The following ST6GALNAC3 variants were observed in gnomAD, a reference collection of about 807,000 sequenced individuals.
The protein encoded by ST6GALNAC3 is ST6 N-acetylgalactosaminide alpha-2,6-sialyltransferase 3.
In ST6GALNAC3, 25 loss-of-function variants were observed where a neutral mutation model predicts 32.7. The ratio of observed to expected loss-of-function variants is 0.76; its 90% CI spans 0.56 to 1.07. ST6GALNAC3 has a LOEUF of 1.07. ST6GALNAC3 is among the 50% of genes least tolerant of loss of function. The pLI, the probability that ST6GALNAC3 is intolerant of heterozygous loss-of-function variation, is 0.00. For synonymous variants in ST6GALNAC3, 129 were observed against 133.1 expected (o/e 0.97, Z 0.21); for missense variants, 355 against 382.4 (o/e 0.93, Z 0.60).
chr1:76,303,344 G>T (rs1295433482), intron 1 of ST6GALNAC3, among the ~76,000 whole-genome samples: 1 of 151,912 alleles, frequency 6.6e-6, no homozygotes, highest in East Asian at 1.9e-4. Context: ...TTTGCAAAGG[G>T]AGTGGTCTCT....
At chr1:76,331,034 G>A (rs1309233823) in intron 2 of ST6GALNAC3, among the ~76,000 whole-genome samples, 2 of 152,180 alleles carry the variant, frequency 1.3e-5, no homozygotes, top group Non-Finnish European at 2.9e-5. Context: ...GAAGAGCATA[G>A]AGGAAGGTAA....
chr1:76,621,108 G>A (rs186299100), intron 3 of ST6GALNAC3, among the ~76,000 whole-genome samples: 2 of 152,042 alleles, frequency 1.3e-5, no homozygotes, highest in East Asian at 3.9e-4. Context: ...GAACACAGTC[G>A]TTTCTTATTA....
chr1:76,099,570 C>G (rs1257262310), intron 1 of ST6GALNAC3, among the ~76,000 whole-genome samples: 4 of 134,386 alleles, frequency 3.0e-5, no homozygotes, highest in Non-Finnish European at 4.4e-5. Context: ...AGAAGCCAGA[C>G]ATGAAAGAGT....
At chr1:76,522,097 A>C (rs1207915960) in intron 3 of ST6GALNAC3, among the ~76,000 whole-genome samples, 2 of 151,966 alleles carry the variant, frequency 1.3e-5, no homozygotes, top group African/African-American at 4.8e-5. Flanking sequence ...AAAAAAAAAA[A>C]AAAAAACACC....
At chr1:76,398,989 C>G (rs1311687796) in intron 2 of ST6GALNAC3, among the ~76,000 whole-genome samples, 1 of 151,918 alleles carries the variant, frequency 6.6e-6, no homozygotes, top group Non-Finnish European at 1.5e-5. Flanking sequence ...TGATAAGGAC[C>G]TTTTCTTGTG....
At chr1:76,459,424 C>G (rs533246393) in intron 3 of ST6GALNAC3, among the ~76,000 whole-genome samples, 1 of 152,044 alleles carries the variant, frequency 6.6e-6, no homozygotes. Context: ...ATTAGCCACG[C>G]GTGGTGGCGG....
chr1:76,204,089 C>A (rs1435427303), intron 1 of ST6GALNAC3, among the ~76,000 whole-genome samples: 1 of 152,184 alleles, frequency 6.6e-6, no homozygotes, highest in African/African-American at 2.4e-5. Context: ...CCAATCTGCT[C>A]TCTATCTTCA....
At chr1:76,619,078 G>A (rs645124) in intron 3 of ST6GALNAC3, among the ~76,000 whole-genome samples, 23,563 of 151,962 alleles carry the variant, frequency 0.16, 2,481 homozygotes, top group East Asian at 0.38. Flanking sequence ...CAGAGATCTA[G>A]GGAAGGCAAC....
intron 3 of ST6GALNAC3, among the ~76,000 whole-genome samples, chr1:76,428,647 C>T (rs904545243): frequency 1.3e-5 from 2 of 151,876 alleles, no homozygotes. Flanking sequence ...AATAGAAAAC[C>T]TTATAAATAA....
At chr1:76,307,989 G>C (rs1200004200) in intron 1 of ST6GALNAC3, 1 of 443,936 alleles carries the variant, frequency 2.3e-6, no homozygotes, top group African/African-American at 2.0e-5. Flanking sequence ...GCACAGAGGG[G>C]ATTAAATTCT....
intron 2 of ST6GALNAC3, among the ~76,000 whole-genome samples, chr1:76,391,285 T>A (rs892370460): frequency 6.6e-6 from 1 of 152,164 alleles, no homozygotes; most frequent in African/African-American, 2.4e-5. Context: ...GTTGTTATTA[T>A]GATGACAGTC....
intron 3 of ST6GALNAC3, among the ~76,000 whole-genome samples, chr1:76,527,051 G>A (rs1391376129): frequency 6.6e-6 from 1 of 152,080 alleles, no homozygotes; most frequent in South Asian, 2.1e-4. Context: ...TGGAAGACAA[G>A]CTTGAATTAG....
intron 3 of ST6GALNAC3, among the ~76,000 whole-genome samples, chr1:76,532,960 G>C (rs533440644): frequency 1.6e-4 from 25 of 152,160 alleles, no homozygotes; most frequent in African/African-American, 5.8e-4. Context: ...AAATGAGGTG[G>C]GCATAGAGGT....
At chr1:76,416,933 T>C (rs982396130) in intron 3 of ST6GALNAC3, among the ~76,000 whole-genome samples, 1 of 151,854 alleles carries the variant, frequency 6.6e-6, no homozygotes, top group African/African-American at 2.4e-5. Context: ...GCCAGCATTG[T>C]GTTTTTTTTC....
intron 3 of ST6GALNAC3, among the ~76,000 whole-genome samples, chr1:76,620,957 A>T (rs1463683295): frequency 2.0e-5 from 3 of 152,102 alleles, no homozygotes; most frequent in Non-Finnish European, 4.4e-5. Context: ...AAGCCTAAGG[A>T]CATGAAGAAA....
intron 1 of ST6GALNAC3, among the ~76,000 whole-genome samples, chr1:76,129,840 G>A (rs1204322121): frequency 6.6e-6 from 1 of 152,102 alleles, no homozygotes. Context: ...TCCATGGCCG[G>A]GTGTTAAAGA....
rs1418560374 is a variant in ST6GALNAC3, at chr1:76,509,704, A to C, written c.623+97287A>C. On this transcript the variant is annotated intron_variant, in intron 3 of 4. Transcript: ENST00000328299. The surrounding 1 kb of genome is among the most constrained non-coding windows in gnomAD (Gnocchi z 5.5). ...TTCTGGAAGATCCAAGGGAGAATCT[A>C]TTTCTTTTTCCAGCAAAAAATGCAA... Among the ~76,000 whole-genome samples the C allele has an allele frequency of 6.6e-6, 1 of 152,148 alleles. No homozygotes were observed. The highest frequency in any genetic ancestry group is 1.5e-5 in the Non-Finnish European group (1 of 68,008).
intron 3 of ST6GALNAC3, among the ~76,000 whole-genome samples, chr1:76,510,012 G>A (rs1439127707): frequency 6.6e-6 from 1 of 152,176 alleles, no homozygotes; most frequent in Non-Finnish European, 1.5e-5. Flanking sequence ...GATTTTCTCA[G>A]TCCTTTAAGT....
At position 76,412,358 on chromosome 1, in the gene ST6GALNAC3, C is replaced by G. The variant is rs1654312619; in HGVS notation, c.564C>G (p.Thr188=). The change falls in exon 3 of 5, where the codon ACC becomes ACG. Residue 188 remains threonine (T), a synonymous_variant. Coordinates refer to ENST00000328299, the MANE Select transcript of ST6GALNAC3 (RefSeq NM_152996.4). ...ATCCGAATGCCCAAATATACGTGACCACAGAGAAGCGCATGAGTTACTGTG... is the reference window on the plus strand; with the variant it reads ...ATCCGAATGCCCAAATATACGTGACGACAGAGAAGCGCATGAGTTACTGTG... ...GIYPNAQIYV[T]TEKRMSYCDG... is the part of the protein sequence containing the mutation. 2.0e-5 allele frequency: 33 copies of G among 1,612,942 alleles called. No homozygotes were observed. Among genetic ancestry groups the G allele is most frequent in the Non-Finnish European group, 2.8e-5 (33 of 1,179,590 alleles).
Sources: allele counts gnomAD v4.1 joint callset (sites outside exome capture counted in the v4.1 genomes callset), GRCh38; gene constraint gnomAD v4.1.1; non-coding constraint Gnocchi (gnomAD v3.1); transcripts MANE v1.5; gene names NCBI Gene and HGNC (gene_info 2026-07-23, HGNC 2026-07-21).